FAT3: variants seen among roughly 807,000 people sequenced by gnomAD.
The protein encoded by FAT3 is protocadherin Fat 3.
Under a neutral mutation model 310.2 loss-of-function variants are expected in FAT3, and 95 were observed. The ratio of observed to expected loss-of-function variants is 0.31; its 90% CI spans 0.26 to 0.36. The LOEUF (loss-of-function observed/expected upper bound fraction) is 0.36, where lower values mean the gene tolerates loss of function less well. FAT3 is among the 10% of genes least tolerant of loss of function. The pLI is 1.00. For missense variants in FAT3, 5,408 were observed against 5,715.6 expected (o/e 0.95, Z 1.74); for synonymous variants, 2,314 against 2,192.9 (o/e 1.06, Z -1.54).
chr11:92,703,942 T>C (rs1262019950), intron 4 of FAT3, among the ~76,000 whole-genome samples: 1 of 152,206 alleles, frequency 6.6e-6, no homozygotes, highest in Non-Finnish European at 1.5e-5. Context: ...GCTCTCACGT[T>C]ATATAGATAC....
chr11:92,758,450 T>C (rs900711772), intron 4 of FAT3, among the ~76,000 whole-genome samples: 1 of 152,098 alleles, frequency 6.6e-6, no homozygotes, highest in African/African-American at 2.4e-5. Context: ...TGAAGACAAA[T>C]GGCTGTGCAA....
In FAT3 at chr11:92,239,770, A is replaced by C. The variant is rs919738987; in HGVS notation, c.-18+14596A>C. ...ATGTAAATAAAAAGATGGAAGATAA[A>C]ATGTAGAAAACGGCATTAACTTGAT... On this transcript the variant is annotated intron_variant, in intron 1 of 27. Coordinates refer to ENST00000525166, the MANE Select transcript of FAT3 (RefSeq NM_001367949.2). Among the ~76,000 whole-genome samples, 28 of 152,268 alleles carry C rather than the reference A, an allele frequency of 1.8e-4. No homozygotes were observed. In the East Asian group the frequency reaches 4.8e-3, roughly 26 times the overall value.
chr11:92,652,903 C>T (rs562866547), intron 3 of FAT3, among the ~76,000 whole-genome samples: 58 of 152,180 alleles, frequency 3.8e-4, no homozygotes, highest in Non-Finnish European at 7.5e-4. Flanking sequence ...TGGCTCACGC[C>T]TGTAATCCCA....
chr11:92,373,241 T>C (rs1251330077), intron 2 of FAT3, among the ~76,000 whole-genome samples: 1 of 152,198 alleles, frequency 6.6e-6, no homozygotes, highest in Non-Finnish European at 1.5e-5. Flanking sequence ...AGATACTCTG[T>C]AAGTTGTTTA....
At chr11:92,699,761 G>A (rs943588692) in intron 4 of FAT3, among the ~76,000 whole-genome samples, 1 of 152,148 alleles carries the variant, frequency 6.6e-6, no homozygotes, top group African/African-American at 2.4e-5. Flanking sequence ...ACTTTATAGG[G>A]TTGTTGGGAG....
intron 2 of FAT3, among the ~76,000 whole-genome samples, chr11:92,475,016 G>T (rs1952010466): frequency 6.6e-6 from 1 of 152,194 alleles, no homozygotes; most frequent in African/African-American, 2.4e-5. Context: ...ATGCCCACTG[G>T]TTTTAAATAT....
At chr11:92,484,011 T>C (rs1052786490) in intron 2 of FAT3, among the ~76,000 whole-genome samples, 1 of 152,190 alleles carries the variant, frequency 6.6e-6, no homozygotes, top group African/African-American at 2.4e-5. Flanking sequence ...CATGTCACAA[T>C]CAGTGTTAAT....
intron 1 of FAT3, among the ~76,000 whole-genome samples, chr11:92,245,971 G>A (rs749778576): frequency 6.6e-6 from 1 of 152,080 alleles, no homozygotes; most frequent in Non-Finnish European, 1.5e-5. Flanking sequence ...AAGAATGAAA[G>A]CATGCGTCAC....
intron 1 of FAT3, among the ~76,000 whole-genome samples, chr11:92,303,133 A>T (rs1947041301): frequency 6.6e-6 from 1 of 152,104 alleles, no homozygotes; most frequent in East Asian, 1.9e-4. Flanking sequence ...GGAGGGTTGA[A>T]AGCCTCTGTA....
chr11:92,734,914 G>A (rs936954164), intron 4 of FAT3, among the ~76,000 whole-genome samples: 1 of 152,124 alleles, frequency 6.6e-6, no homozygotes, highest in Non-Finnish European at 1.5e-5. Context: ...GACCAGTCAG[G>A]AGGCTATAGA....
intron 3 of FAT3, among the ~76,000 whole-genome samples, chr11:92,565,788 A>T (rs192352137): frequency 6.4e-4 from 97 of 152,332 alleles, no homozygotes; most frequent in African/African-American, 2.2e-3. Context: ...GACAAAAACC[A>T]CATGATATCT....
chr11:92,429,490 T>A (rs915814215), intron 2 of FAT3, among the ~76,000 whole-genome samples: 6 of 152,176 alleles, frequency 3.9e-5, no homozygotes, highest in Admixed American at 6.5e-5. Context: ...GTCTTTACAT[T>A]TTGGTATGAT....
intron 13 of FAT3, among the ~76,000 whole-genome samples, chr11:92,828,973 C>T (rs909166857): frequency 3.3e-5 from 5 of 152,176 alleles, no homozygotes; most frequent in African/African-American, 1.2e-4. Context: ...CTTGCTGCTG[C>T]GGAGAGCGGC....
At chr11:92,464,221 ATCT>A (rs1951706559) in intron 2 of FAT3, among the ~76,000 whole-genome samples, 1 of 152,170 alleles carries the variant, frequency 6.6e-6, no homozygotes. Flanking sequence ...ACAAGTGGTG[ATCT>A]TCTAAATGGC....
chr11:92,857,886 A>G (rs534647149), intron 20 of FAT3, among the ~76,000 whole-genome samples: 1 of 152,324 alleles, frequency 6.6e-6, no homozygotes, highest in African/African-American at 2.4e-5. Context: ...CTTAAGGAAA[A>G]AAAAATCAGT....
intron 1 of FAT3, among the ~76,000 whole-genome samples, chr11:92,333,698 C>T (rs1329496128): frequency 6.6e-6 from 1 of 152,010 alleles, no homozygotes; most frequent in East Asian, 1.9e-4. Context: ...ATTCTCTCTA[C>T]TTCTGCCTCA....
At chr11:92,756,663 T>C (rs1400512583) in intron 4 of FAT3, among the ~76,000 whole-genome samples, 1 of 152,108 alleles carries the variant, frequency 6.6e-6, no homozygotes, top group Admixed American at 6.6e-5. Context: ...TATATACTTA[T>C]CTTCTACTTG....
At chr11:92,487,883 T>G (rs1046952568) in intron 2 of FAT3, among the ~76,000 whole-genome samples, 1 of 152,212 alleles carries the variant, frequency 6.6e-6, no homozygotes, top group Non-Finnish European at 1.5e-5. Context: ...CACAGGGTAC[T>G]GGGTCTGTGG....
Position 92,834,854 on chromosome 11 carries a change from C to A in FAT3, c.9872-16C>A. ...TTTTCCTAATGAAATATAAAGCTCC[C>A]CATTTTTCTTCAAAGGGGGTATTTC... On this transcript the variant is annotated splice_polypyrimidine_tract_variant and intron_variant, in intron 14 of 27. Coordinates refer to ENST00000525166, the MANE Select transcript of FAT3 (RefSeq NM_001367949.2). 1.3e-6 allele frequency: 2 copies of A among 1,579,506 alleles called. No homozygotes were observed. Among genetic ancestry groups the A allele is most frequent in the South Asian group, 1.2e-5 (1 of 86,662 alleles).
Sources: allele counts gnomAD v4.1 joint callset (sites outside exome capture counted in the v4.1 genomes callset), GRCh38; gene constraint gnomAD v4.1.1; transcripts MANE v1.5; gene names NCBI Gene and HGNC (gene_info 2026-07-23, HGNC 2026-07-21).